DYNC2H1: variants seen among roughly 807,000 people sequenced by gnomAD.
DYNC2H1 encodes the protein cytoplasmic dynein 2 heavy chain 1.
A neutral mutation model predicts 570.0 loss-of-function variants in DYNC2H1; 410 were observed. That is an observed-to-expected ratio of 0.72 (90% CI 0.66 to 0.78). The LOEUF (loss-of-function observed/expected upper bound fraction) is 0.78. Among genes scored for constraint, DYNC2H1 ranks in the 30% least tolerant of loss-of-function variants. The pLI is 0.00. For synonymous variants in DYNC2H1, 1,688 were observed against 1,677.6 expected (o/e 1.01, Z -0.15); for missense variants, 4,865 against 5,046.4 (o/e 0.96, Z 1.09).
chr11:103,188,639 GTTCTA>G lies in DYNC2H1; in HGVS notation c.7285_7289del (p.Ser2429ArgfsTer22), dbSNP rs775809611. On this transcript the variant is annotated frameshift_variant, in exon 44 of 89. Transcript: ENST00000375735. LOFTEE classifies it high-confidence loss of function. ...AGATTTACTTCCATCGTTCGTCTTT[GTTCTA>G]TAGAGTATGTATCTTTGTGTTTCAG... The G allele has an allele frequency of 6.3e-7, 1 of 1,598,936 alleles. No individual in the cohort carries two copies. The highest frequency in any genetic ancestry group is 8.5e-7 in the Non-Finnish European group (1 of 1,171,598).
chr11:103,170,753 G>A lies in DYNC2H1; in HGVS notation c.5152-133G>A, dbSNP rs199534259. ...TTTTGAAAGAGTAGCTACTTAATCCGTATTTTAAAATGAGCAAAAGAGGCA... is the reference window on the plus strand; with the variant it reads ...TTTTGAAAGAGTAGCTACTTAATCCATATTTTAAAATGAGCAAAAGAGGCA... On this transcript the variant is annotated intron_variant, in intron 33 of 88. Coordinates refer to ENST00000375735, the MANE Select transcript of DYNC2H1 (RefSeq NM_001377.3). The surrounding 1 kb of genome is among the most constrained non-coding windows in gnomAD (Gnocchi z 4.8). The A allele has an allele frequency of 8.2e-6, 7 of 852,616 alleles. No individual in the cohort carries two copies. Among genetic ancestry groups the A allele is most frequent in the South Asian group, 9.8e-5 (2 of 20,374 alleles). 52.8% of individuals were successfully genotyped at this position (852,616 alleles called of 1,614,324 possible).
intron 84 of DYNC2H1, 142 bp downstream of exon 84, chr11:103,400,014 T>A: frequency 1.5e-6 from 1 of 667,620 alleles, no homozygotes; most frequent in Non-Finnish European, 2.5e-6. Flanking sequence ...ATTAATTGAC[T>A]GATGTAACTG....
intron 31 of DYNC2H1, 90 bp downstream of exon 31, chr11:103,166,138 T>C (rs1265632210): frequency 1.8e-6 from 2 of 1,090,004 alleles, no homozygotes; most frequent in Non-Finnish European, 2.5e-6. Flanking sequence ...TGACTGTATA[T>C]CTGTGTTGGT....
intron 36 of DYNC2H1, among the ~76,000 whole-genome samples, chr11:103,174,931 T>G (rs1481126712): frequency 4.7e-5 from 5 of 107,054 alleles, no homozygotes; most frequent in Non-Finnish European, 7.4e-5. Flanking sequence ...CCTTGCGGGG[T>G]TTGGGGGGGT....
Position 103,181,961 on chromosome 11 carries a change from TTG to T in DYNC2H1, c.6477+78_6477+79del. On this transcript the variant is annotated intron_variant, in intron 40 of 88. Coordinates refer to ENST00000375735, the MANE Select transcript of DYNC2H1 (RefSeq NM_001377.3). This position sits in a 1 kb window ranked among gnomAD's most constrained non-coding sequence, Gnocchi z 5.0. ...AAGAGTGATGCTTATTTTAACTTCCTTGTGGTAGAACTCTGCTGGAATGTGGG... is the reference window on the plus strand; with the variant it reads ...AAGAGTGATGCTTATTTTAACTTCCTTGGTAGAACTCTGCTGGAATGTGGG... 6.7e-7 allele frequency: 1 copy of T among 1,494,932 alleles called. No homozygotes were observed. Among genetic ancestry groups the T allele is most frequent in the Non-Finnish European group, 9.0e-7 (1 of 1,105,214 alleles). The allele number at this position is 1,494,932 out of a possible 1,614,324, so 92.6% of individuals were successfully genotyped here. A position where few individuals can be genotyped will look rare whatever the true frequency, so the allele number is the denominator to read the frequency against.
intron 83 of DYNC2H1, among the ~76,000 whole-genome samples, chr11:103,376,384 G>A (rs1211219123): frequency 6.6e-6 from 1 of 152,060 alleles, no homozygotes; most frequent in Non-Finnish European, 1.5e-5. Context: ...TTAGATCTTT[G>A]GTCCTTTCTT....
intron 34 of DYNC2H1, 76 bp from the exon 35 acceptor site, chr11:103,173,006 A>G (rs1861634549): frequency 1.3e-6 from 1 of 769,296 alleles, no homozygotes; most frequent in Non-Finnish European, 1.7e-6. Context: ...AGTTTCAAAT[A>G]TAAACGATGC....
intron 1 of DYNC2H1, among the ~76,000 whole-genome samples, chr11:103,113,317 ATAACT>A (rs1431250365): frequency 5.9e-5 from 9 of 152,222 alleles, no homozygotes; most frequent in Non-Finnish European, 1.0e-4. Flanking sequence ...ATGTTTATAA[ATAACT>A]TATCAAAGTG....
intron 3 of DYNC2H1, 25 bp downstream of exon 3, chr11:103,114,263 G>T (rs200648461): frequency 2.0e-6 from 3 of 1,535,702 alleles, no homozygotes; most frequent in African/African-American, 1.4e-5. Flanking sequence ...CTTAATAAAA[G>T]AGAGTACAAA....
In DYNC2H1 at chr11:103,147,754, T is replaced by C. The variant is rs568222221; in HGVS notation, c.2703-18T>C. On this transcript the variant is annotated intron_variant, in intron 18 of 88. Coordinates refer to ENST00000375735, the MANE Select transcript of DYNC2H1 (RefSeq NM_001377.3). Reference sequence around the variant, plus strand: ...TTAGTCTTTTCCATGTCAAAATATGTCCATTGACATTTTTCAGTGCTGTCA... The same window carrying C: ...TTAGTCTTTTCCATGTCAAAATATGCCCATTGACATTTTTCAGTGCTGTCA... 2.7e-6 allele frequency: 4 copies of C among 1,476,304 alleles called. No homozygotes were observed. In the Admixed American group the frequency reaches 7.0e-5, roughly 26 times the overall value. The allele number at this position is 1,476,304 out of a possible 1,614,324, so 91.5% of individuals were successfully genotyped here.
In DYNC2H1 at chr11:103,446,250, T is replaced by C. The variant is rs1944421260; in HGVS notation, c.12457-8936T>C. The stretch of plus-strand genomic sequence containing the variant: ...AACATAGTGTTTAAAACCATAGGAA[T>C]GGCCAAGTATCTGGCACTGGTGCAC... On this transcript the variant is annotated intron_variant, in intron 85 of 88. Transcript: ENST00000375735. The surrounding 1 kb of genome is among the most constrained non-coding windows in gnomAD (Gnocchi z 4.5). 6.6e-6 allele frequency among the ~76,000 whole-genome samples: 1 copy of C among 152,186 alleles called. No individual in the cohort carries two copies. The highest frequency in any genetic ancestry group is 1.5e-5 in the Non-Finnish European group (1 of 68,030).
At chr11:103,473,861 A>G (rs921459884) in intron 88 of DYNC2H1, among the ~76,000 whole-genome samples, 17 of 152,230 alleles carry the variant, frequency 1.1e-4, no homozygotes, top group Admixed American at 1.1e-3. Flanking sequence ...TCTGATAGGC[A>G]CAATTGACAA....
chr11:103,230,469 T>C (rs548844605), intron 59 of DYNC2H1, among the ~76,000 whole-genome samples: 1 of 152,288 alleles, frequency 6.6e-6, no homozygotes, highest in African/African-American at 2.4e-5. Flanking sequence ...GCATAGAGGT[T>C]GATGGAGATG....
At chr11:103,411,244 T>C (rs543618858) in intron 84 of DYNC2H1, among the ~76,000 whole-genome samples, 4 of 152,080 alleles carry the variant, frequency 2.6e-5, no homozygotes, top group Non-Finnish European at 5.9e-5. Context: ...AGAGGTTTAG[T>C]TGGGGGTTAC....
Position 103,220,702 on chromosome 11 carries a change from CACCT to C in DYNC2H1, c.9027_9030del (p.Pro3010MetfsTer2). On this transcript the variant is annotated frameshift_variant, in exon 57 of 89. Transcript: ENST00000375735. LOFTEE classifies it high-confidence loss of function. ...TCAGAAATTCGCTCACTACGCATGC[CACCT>C]GATGTAATTAGAGATATTCTTGAAG... The C allele has an allele frequency of 6.2e-7, 1 of 1,613,144 alleles. No homozygotes were observed. The highest frequency in any genetic ancestry group is 8.5e-7 in the Non-Finnish European group (1 of 1,179,360).
chr11:103,120,921 T>C lies in DYNC2H1; in HGVS notation c.1249-4T>C. The stretch of plus-strand genomic sequence containing the variant: ...GAACATGTACTTATTTTATTTTATA[T>C]TAGCTTCTTCAAGCATTCCTGAAAT... On this transcript the variant is annotated splice_region_variant and splice_polypyrimidine_tract_variant and intron_variant, in intron 8 of 88. Coordinates refer to ENST00000375735, the MANE Select transcript of DYNC2H1 (RefSeq NM_001377.3). 5.4e-6 allele frequency: 8 copies of C among 1,474,310 alleles called. No individual in the cohort carries two copies. The highest frequency in any genetic ancestry group is 7.2e-6 in the Non-Finnish European group (8 of 1,111,396). The allele number at this position is 1,474,310 out of a possible 1,614,324, so 91.3% of individuals were successfully genotyped here. A position where few individuals can be genotyped will look rare whatever the true frequency, so the allele number is the denominator to read the frequency against.
rs914884889 is a variant in DYNC2H1, at chr11:103,241,652, C to T, written c.9820-2041C>T. 3.2e-6 allele frequency: 3 copies of T among 935,680 alleles called. No homozygotes were observed. Among genetic ancestry groups the T allele is most frequent in the Non-Finnish European group, 4.8e-6 (3 of 619,634 alleles). The allele number at this position is 935,680 out of a possible 1,614,324, so 58.0% of individuals were successfully genotyped here. The stretch of plus-strand genomic sequence containing the variant: ...TGCTAGCATAAAATTAGATCAAAAA[C>T]CTAGGTGCAGCACCATGGTAACACT... On this transcript the variant is annotated intron_variant, in intron 63 of 88. Transcript: ENST00000375735. This position sits in a 1 kb window ranked among gnomAD's most constrained non-coding sequence, Gnocchi z 5.1.
At chr11:103,179,367 A>G (rs1023370914) in intron 39 of DYNC2H1, 134 bp downstream of exon 39, 6 of 769,096 alleles carry the variant, frequency 7.8e-6, no homozygotes, top group African/African-American at 7.1e-5. Flanking sequence ...CTTTTTTGTT[A>G]GGTTTTAATT....
At chr11:103,184,599 T>C (rs1359793105) in intron 40 of DYNC2H1, among the ~76,000 whole-genome samples, 2 of 151,972 alleles carry the variant, frequency 1.3e-5, no homozygotes, top group Admixed American at 1.3e-4. Context: ...TTTGGAACAA[T>C]GCTCCCTAAC....
Sources: allele counts gnomAD v4.1 joint callset (sites outside exome capture counted in the v4.1 genomes callset), GRCh38; gene constraint gnomAD v4.1.1; non-coding constraint Gnocchi (gnomAD v3.1); transcripts MANE v1.5; gene names NCBI Gene and HGNC (gene_info 2026-07-23, HGNC 2026-07-21).